The following DMD variants were observed in gnomAD, a reference collection of about 807,000 sequenced individuals.
DMD encodes the protein dystrophin, also known as mutant dystrophin.
A neutral mutation model predicts 330.1 loss-of-function variants in DMD; 63 were observed. The observed-to-expected ratio is 0.19, with a 90% CI of 0.16 to 0.24. The LOEUF is 0.24. Among genes scored for constraint, DMD ranks in the 10% least tolerant of loss-of-function variants. The pLI, the probability that DMD is intolerant of heterozygous loss-of-function variation, is 1.00. For missense variants in DMD, 3,344 were observed against 2,684.1 expected, an observed-to-expected ratio of 1.25 and a Z score of -5.43; for synonymous variants, 1,223 against 959.8, an observed-to-expected ratio of 1.27 and a Z score of -5.07.
At chrX:32,599,219 A>G (rs1036110766) in intron 12 of DMD, among the ~76,000 whole-genome samples, 1 of 111,707 alleles carries the variant, frequency 9.0e-6, no homozygotes. Flanking sequence ...TAATCTCCTT[A>G]ATATCAGCAA....
intron 2 of DMD, among the ~76,000 whole-genome samples, chrX:32,890,236 T>A (rs1200054711): frequency 1.8e-5 from 2 of 111,882 alleles, no homozygotes; most frequent in African/African-American, 3.3e-5. Context: ...GTTTCTGAAC[T>A]AGCAGTGCCC....
At chrX:31,350,592 C>CGTGTGTGTGTGT (rs747001189) in intron 60 of DMD, among the ~76,000 whole-genome samples, 1 of 85,316 alleles carries the variant, frequency 1.2e-5, no homozygotes, top group Non-Finnish European at 2.2e-5. Context: ...AAATGTGGTA[C>CGTGTGTGTGTGT]GTGTGTGTGT....
intron 64 of DMD, among the ~76,000 whole-genome samples, chrX:31,221,169 C>A (rs1042863235): frequency 9.0e-6 from 1 of 110,885 alleles, no homozygotes; most frequent in Non-Finnish European, 1.9e-5. Flanking sequence ...TCCTGTCACT[C>A]CCACATCGCA....
chrX:33,263,861 A>T (rs1178414084), intron 1 of DMD, among the ~76,000 whole-genome samples: 1 of 111,176 alleles, frequency 9.0e-6, no homozygotes, highest in Non-Finnish European at 1.9e-5. Context: ...AAACTGACTC[A>T]TAAAGTACTT....
chrX:33,270,514 C>G (rs181774804), intron 1 of DMD, among the ~76,000 whole-genome samples: 67 of 105,827 alleles, frequency 6.3e-4, no homozygotes, highest in Admixed American at 8.1e-4. Flanking sequence ...TACCTTGGGA[C>G]ATTTACAATC....
chrX:31,942,982 A>T (rs1201958682), intron 45 of DMD, among the ~76,000 whole-genome samples: 2 of 112,305 alleles, frequency 1.8e-5, no homozygotes, highest in African/African-American at 6.5e-5. Context: ...AAATTCAACC[A>T]GGGAAAGCTA....
Position 33,279,462 on chromosome X carries a change from T to A in DMD, c.7+59797A>T, listed in dbSNP as rs2053289871. On this transcript the variant is annotated intron_variant, in intron 1 of 17. Coordinates refer to the DMD transcript ENST00000288447. The stretch of plus-strand genomic sequence containing the variant: ...ATGTACCACAGGGTTTTTTTTTTTT[T>A]AAGCAATTACATATCAAGGGACTTT... Among the ~76,000 whole-genome samples the A allele has an allele frequency of 2.8e-5, 3 of 108,611 alleles. No individual in the cohort carries two copies. In the South Asian group the frequency reaches 1.2e-3, roughly 43 times the overall value. The allele number at this position is 108,611 out of a possible 115,157, so 94.3% of individuals were successfully genotyped here.
chrX:31,716,121 G>A (rs1157029038), intron 52 of DMD, among the ~76,000 whole-genome samples: 1 of 112,597 alleles, frequency 8.9e-6, no homozygotes, highest in African/African-American at 3.2e-5. Flanking sequence ...CAACAACGTT[G>A]AAATTCCTAA....
intron 2 of DMD, among the ~76,000 whole-genome samples, chrX:32,910,137 C>T (rs1390509884): frequency 1.8e-5 from 2 of 111,677 alleles, no homozygotes; most frequent in Admixed American, 9.5e-5. Flanking sequence ...CACACACACA[C>T]GCGGCACAAT....
At chrX:32,404,855 C>A (rs2098108454) in intron 30 of DMD, among the ~76,000 whole-genome samples, 1 of 111,520 alleles carries the variant, frequency 9.0e-6, no homozygotes, top group Non-Finnish European at 1.9e-5. Flanking sequence ...GAAAGCCAAG[C>A]AGAGTTCAGC....
At chrX:32,523,686 C>T (rs2046651542) in intron 17 of DMD, among the ~76,000 whole-genome samples, 2 of 111,549 alleles carry the variant, frequency 1.8e-5, no homozygotes, top group African/African-American at 3.3e-5. Context: ...TTTGAAGGCT[C>T]CCATGTCACC....
At chrX:32,445,592 A>G (rs2098300254) in intron 27 of DMD, among the ~76,000 whole-genome samples, 1 of 110,896 alleles carries the variant, frequency 9.0e-6, no homozygotes, top group East Asian at 2.8e-4. Context: ...AAGTAATGAG[A>G]TCCCAGAGAA....
Position 32,351,503 on chromosome X carries a change from A to G in DMD, c.5326-2975T>C, listed in dbSNP as rs781396226. On this transcript the variant is annotated intron_variant, in intron 37 of 78. Coordinates refer to ENST00000357033, the MANE Select transcript of DMD (RefSeq NM_004006.3). Reference sequence around the variant, plus strand: ...TACAGGGTGCAGTTTTTTTTTTTTAATCAGGAATTATTTGGAGACAGAAAA... The same window carrying G: ...TACAGGGTGCAGTTTTTTTTTTTTAGTCAGGAATTATTTGGAGACAGAAAA... Among the ~76,000 whole-genome samples the G allele has an allele frequency of 9.2e-5, 10 of 108,336 alleles. No homozygotes were observed. In the East Asian group the frequency reaches 2.9e-3, roughly 31 times the overall value. 94.1% of individuals were successfully genotyped at this position (108,336 alleles called of 115,157 possible).
At chrX:31,348,210 T>A in intron 61 of DMD, 1 of 246,282 alleles carries the variant, frequency 4.1e-6, no homozygotes. Flanking sequence ...GCAGCCCATA[T>A]ACTAACATTG....
intron 1 of DMD, among the ~76,000 whole-genome samples, chrX:33,279,958 T>TGATCTCTA (rs2053299880): frequency 9.0e-6 from 1 of 111,651 alleles, no homozygotes; most frequent in African/African-American, 3.3e-5. Context: ...TACTAGTTCT[T>TGATCTCTA]GATATCTAGA....
intron 30 of DMD, among the ~76,000 whole-genome samples, chrX:32,394,925 A>AAAAAACAAAC (rs2098032622): frequency 3.1e-5 from 3 of 95,658 alleles, no homozygotes; most frequent in Middle Eastern, 5.2e-3. Context: ...ACAAAAAAAA[A>AAAAAACAAAC]AAAAAAAAGA....
chrX:31,648,379 A>T (rs2080225472), intron 54 of DMD, among the ~76,000 whole-genome samples: 1 of 109,246 alleles, frequency 9.2e-6, no homozygotes, highest in Non-Finnish European at 1.9e-5. Flanking sequence ...GCTTAGAAAC[A>T]AGTTAAGTAG....
chrX:33,086,658 C>A (rs906433558), intron 1 of DMD, among the ~76,000 whole-genome samples: 2 of 110,219 alleles, frequency 1.8e-5, no homozygotes, highest in Non-Finnish European at 3.8e-5. Context: ...ATATTAAACA[C>A]TTTAGAAAGA....
chrX:32,054,830 G>GAGGGA (rs1177908440), intron 44 of DMD, among the ~76,000 whole-genome samples: 1 of 91,358 alleles, frequency 1.1e-5, no homozygotes, highest in Non-Finnish European at 2.2e-5. Context: ...TGAGAGAGGG[G>GAGGGA]AGGGAAGGGA....
Sources: gnomAD v4.1 joint callset for allele counts (sites outside exome capture counted in the v4.1 genomes callset) on GRCh38, gnomAD v4.1.1 for gene constraint, MANE v1.5 for transcripts, NCBI Gene and HGNC (gene_info 2026-07-23, HGNC 2026-07-21) for gene names.